Variants in SHROOM3 observed in about 807,000 individuals in gnomAD.
SHROOM3 encodes the protein shroom family member 3, also known as protein Shroom3.
Under a neutral mutation model 138.6 loss-of-function variants are expected in SHROOM3, and 47 were observed. The ratio of observed to expected loss-of-function variants is 0.34; its 90% CI spans 0.27 to 0.43. The LOEUF is 0.43. Among genes scored for constraint, SHROOM3 ranks in the 20% least tolerant of loss-of-function variants. The probability of loss-of-function intolerance (pLI) is 1.00; values close to 1 mark genes in which losing one functional copy is unlikely to be tolerated. For synonymous variants in SHROOM3, 1,062 were observed against 1,063.3 expected, an observed-to-expected ratio of 1.00 and a Z score of 0.02; for missense variants, 2,491 against 2,596.5, an observed-to-expected ratio of 0.96 and a Z score of 0.88.
intron 2 of SHROOM3, among the ~76,000 whole-genome samples, chr4:76,609,614 T>A (rs1734720228): frequency 6.6e-6 from 1 of 152,178 alleles, no homozygotes. Flanking sequence ...GGATCAGAAG[T>A]CTTTAAAAAA....
At chr4:76,453,225 A>G (rs909001333) in intron 1 of SHROOM3, among the ~76,000 whole-genome samples, 14 of 152,140 alleles carry the variant, frequency 9.2e-5, no homozygotes, top group Non-Finnish European at 1.9e-4. Flanking sequence ...TCTAATTTAT[A>G]CACATCCTTG....
chr4:76,756,994 T>G, intron 8 of SHROOM3, 57 bp downstream of exon 8: 4 of 1,611,820 alleles, frequency 2.5e-6, no homozygotes, highest in Non-Finnish European at 3.4e-6. Flanking sequence ...TCCATGGGGA[T>G]GATGATAAGT....
intron 2 of SHROOM3, among the ~76,000 whole-genome samples, chr4:76,583,197 A>G (rs1734084505): frequency 6.6e-6 from 1 of 152,160 alleles, no homozygotes; most frequent in African/African-American, 2.4e-5. Context: ...GAGCTGGTGC[A>G]CATTCCAGTG....
chr4:76,537,576 A>G (rs1733006186), intron 1 of SHROOM3, among the ~76,000 whole-genome samples: 1 of 152,252 alleles, frequency 6.6e-6, no homozygotes, highest in Non-Finnish European at 1.5e-5. Context: ...GCAGGAGGTC[A>G]GAGTAGGTCA....
chr4:76,545,085 CTTTTTTTCTTT>C (rs575418643), intron 1 of SHROOM3, among the ~76,000 whole-genome samples: 134 of 151,982 alleles, frequency 8.8e-4, no homozygotes, highest in African/African-American at 3.0e-3. Context: ...CTACTATTTT[CTTTTTTTCTTT>C]TTTTTTTCTT....
chr4:76,669,755 A>G (rs756722600), intron 2 of SHROOM3, among the ~76,000 whole-genome samples: 59 of 152,234 alleles, frequency 3.9e-4, no homozygotes, highest in Non-Finnish European at 7.8e-4. Context: ...GGTCAGATTT[A>G]TATAGAGGTG....
chr4:76,728,010 AG>A (rs1189413342), intron 3 of SHROOM3, among the ~76,000 whole-genome samples: 1 of 152,020 alleles, frequency 6.6e-6, no homozygotes, highest in Non-Finnish European at 1.5e-5. Flanking sequence ...AAGAAATGCA[AG>A]AAAAATAATA....
intron 1 of SHROOM3, among the ~76,000 whole-genome samples, chr4:76,546,720 T>G (rs1051040458): frequency 5.9e-5 from 9 of 152,212 alleles, no homozygotes; most frequent in Non-Finnish European, 1.0e-4. Flanking sequence ...ATCGCACTTA[T>G]AGAGAGCATA....
In SHROOM3 at chr4:76,781,575, T is replaced by C. The variant is rs1722738032; in HGVS notation, c.*2398T>C. ...ATTATGTGGAAACTTTGTTCTGTTA[T>C]GTGAAATGGGTAAGGCACCAAGTGA... On this transcript the variant is annotated 3_prime_UTR_variant, in exon 11 of 11. Transcript: ENST00000296043. 1 of 152,252 alleles carries C rather than the reference T, an allele frequency of 6.6e-6. No individual in the cohort carries two copies. Among genetic ancestry groups the C allele is most frequent in the African/African-American group, 2.4e-5 (1 of 41,468 alleles). The allele number at this position is 152,252 out of a possible 1,614,324, so 9.4% of individuals were successfully genotyped here. A position where few individuals can be genotyped will look rare whatever the true frequency, so the allele number is the denominator to read the frequency against.
chr4:76,548,810 T>C lies in SHROOM3; in HGVS notation c.169-6799T>C, dbSNP rs1579228941. ...GGATTTGAGAAGGGAAAAAGCGTGC[T>C]TAGCTTCCGGGCTCCAATGTGCGGA... is the stretch of plus-strand genomic sequence containing the variant. On this transcript the variant is annotated intron_variant, in intron 1 of 10. Transcript: ENST00000296043. 2.0e-5 allele frequency among the ~76,000 whole-genome samples: 3 copies of C among 152,246 alleles called. No homozygotes were observed. The East Asian group carries it at 5.8e-4, about 29-fold the overall frequency.
intron 1 of SHROOM3, among the ~76,000 whole-genome samples, chr4:76,447,433 G>T (rs1267012402): frequency 1.3e-5 from 2 of 152,138 alleles, no homozygotes; most frequent in Non-Finnish European, 2.9e-5. Flanking sequence ...CCTCTGAGAG[G>T]TTCACATTTT....
chr4:76,734,828 G>A (rs557750011), intron 4 of SHROOM3, among the ~76,000 whole-genome samples: 1 of 148,580 alleles, frequency 6.7e-6, no homozygotes, highest in Non-Finnish European at 1.5e-5. Flanking sequence ...TAACCAAAGG[G>A]ATATGATATA....
At chr4:76,575,709 C>T (rs1733922949) in intron 2 of SHROOM3, 1 of 151,810 alleles carries the variant, frequency 6.6e-6, no homozygotes, top group Non-Finnish European at 1.5e-5. Flanking sequence ...AATTAAATAC[C>T]CAGGAATTAA....
Position 76,660,182 on chromosome 4 carries a change from T to G in SHROOM3, c.324-49974T>G, listed in dbSNP as rs905494601. On this transcript the variant is annotated intron_variant, in intron 2 of 10. Coordinates refer to ENST00000296043, the MANE Select transcript of SHROOM3 (RefSeq NM_020859.4). ...GGAAGCTCCAGCACCATCAGCATCTTCACCATTCATCTTTTAGCAATTTGC... is the reference window on the plus strand; with the variant it reads ...GGAAGCTCCAGCACCATCAGCATCTGCACCATTCATCTTTTAGCAATTTGC... Among the ~76,000 whole-genome samples, 4 of 152,144 alleles carry G rather than the reference T, an allele frequency of 2.6e-5. No homozygotes were observed. In the South Asian group the frequency reaches 6.2e-4, roughly 24 times the overall value.
chr4:76,619,965 G>C (rs542676961), intron 2 of SHROOM3, among the ~76,000 whole-genome samples: 2 of 151,882 alleles, frequency 1.3e-5, no homozygotes, highest in South Asian at 4.2e-4. Context: ...GGGAGGCTGA[G>C]GCAGGAGAAT....
chr4:76,753,531 C>G (rs1300695747), intron 6 of SHROOM3, among the ~76,000 whole-genome samples: 1 of 152,224 alleles, frequency 6.6e-6, no homozygotes, highest in Non-Finnish European at 1.5e-5. Context: ...AGCTTTTTAT[C>G]CTCACATTAA....
At chr4:76,671,702 T>C (rs1244245612) in intron 2 of SHROOM3, among the ~76,000 whole-genome samples, 4 of 152,172 alleles carry the variant, frequency 2.6e-5, no homozygotes, top group African/African-American at 9.7e-5. Context: ...CAATAAAACA[T>C]GTTAATAAAA....
At chr4:76,693,381 T>G (rs1011157148) in intron 2 of SHROOM3, among the ~76,000 whole-genome samples, 11 of 141,140 alleles carry the variant, frequency 7.8e-5, no homozygotes, top group African/African-American at 3.0e-4. Flanking sequence ...TTTTTTTTTT[T>G]TTTTTTTTTT....
chr4:76,684,183 G>A (rs1414331685), intron 2 of SHROOM3, among the ~76,000 whole-genome samples: 3 of 152,232 alleles, frequency 2.0e-5, no homozygotes, highest in Non-Finnish European at 4.4e-5. Context: ...TTTACAGGAT[G>A]CATTTCTAAT....
Sources: gnomAD v4.1 joint callset for allele counts (sites outside exome capture counted in the v4.1 genomes callset) on GRCh38, gnomAD v4.1.1 for gene constraint, MANE v1.5 for transcripts, NCBI Gene and HGNC (gene_info 2026-07-23, HGNC 2026-07-21) for gene names.